The following FBXW7 variants were observed in gnomAD, a reference collection of about 807,000 sequenced individuals.
FBXW7 encodes F-box and WD repeat domain containing 7.
Under a neutral mutation model 86.3 loss-of-function variants are expected in FBXW7, and 11 were observed. That is an observed-to-expected ratio of 0.13 (90% CI 0.08 to 0.21). The LOEUF (loss-of-function observed/expected upper bound fraction) is 0.21. FBXW7 is among the 10% of genes least tolerant of loss of function. The pLI is 1.00. For missense variants in FBXW7, 488 were observed against 847.4 expected (o/e 0.58, Z 5.27); for synonymous variants, 313 against 297.9 (o/e 1.05, Z -0.52).
At chr4:152,503,058 G>A (rs1747102407) in intron 2 of FBXW7, among the ~76,000 whole-genome samples, 1 of 152,134 alleles carries the variant, frequency 6.6e-6, no homozygotes, top group Non-Finnish European at 1.5e-5. Flanking sequence ...TAAAGAGATG[G>A]TAAAGAAATT....
rs1048833910 is a variant in FBXW7 at position 152,320,996 on chromosome 4, G to T, written c.*1885C>A. 36 of 163,810 alleles carry T rather than the reference G, an allele frequency of 2.2e-4. No homozygotes were observed. In the East Asian group the frequency reaches 4.8e-3, roughly 22 times the overall value. The allele number at this position is 163,810 out of a possible 1,614,324, so 10.1% of individuals were successfully genotyped here. ...TTTTGTGGATTCTTTGAGGGAACCA[G>T]ATTTCATATTTATACACCCCAATGC... On this transcript the variant is annotated 3_prime_UTR_variant, in exon 14 of 14. Transcript: ENST00000281708.
chr4:152,434,179 T>C (rs1399079947), intron 2 of FBXW7, among the ~76,000 whole-genome samples: 2 of 152,202 alleles, frequency 1.3e-5, no homozygotes, highest in East Asian at 3.9e-4. Flanking sequence ...GAGGGATGCC[T>C]ATATATGGAC....
chr4:152,487,816 TCA>T (rs1258779358), intron 2 of FBXW7, among the ~76,000 whole-genome samples: 1 of 152,068 alleles, frequency 6.6e-6, no homozygotes, highest in Non-Finnish European at 1.5e-5. Context: ...TACATAATTT[TCA>T]GTTTTAATAG....
chr4:152,519,348 C>T (rs984738700), intron 2 of FBXW7, among the ~76,000 whole-genome samples: 6 of 151,870 alleles, frequency 4.0e-5, no homozygotes, highest in Non-Finnish European at 8.8e-5. Flanking sequence ...TAATCAGATA[C>T]CCACTGACTT....
chr4:152,420,969 ACTTCCCC>A (rs1357411726), intron 2 of FBXW7, among the ~76,000 whole-genome samples: 4 of 152,146 alleles, frequency 2.6e-5, no homozygotes, highest in African/African-American at 9.7e-5. Context: ...CCAGGTACTG[ACTTCCCC>A]TATCCAGCTA....
chr4:152,370,819 TTAA>T (rs952685606), intron 4 of FBXW7, among the ~76,000 whole-genome samples: 7 of 151,892 alleles, frequency 4.6e-5, no homozygotes, highest in African/African-American at 1.7e-4. Flanking sequence ...AAAAACAGTA[TTAA>T]TATTTGAGAA....
intron 2 of FBXW7, among the ~76,000 whole-genome samples, chr4:152,437,407 T>A (rs1740481752): frequency 6.6e-6 from 1 of 151,658 alleles, no homozygotes; most frequent in Non-Finnish European, 1.5e-5. Flanking sequence ...GTGGCGGAAG[T>A]CACTGCAGGC....
chr4:152,367,829 A>G (rs142935838), intron 4 of FBXW7, among the ~76,000 whole-genome samples: 5 of 152,244 alleles, frequency 3.3e-5, no homozygotes, highest in African/African-American at 1.2e-4. Flanking sequence ...TTAAGTAAAT[A>G]TATTTAAGAC....
In FBXW7 at chr4:152,328,422, T is replaced by C. The variant is rs745400931; in HGVS notation, c.1237-33A>G. On this transcript the variant is annotated intron_variant, in intron 10 of 13. Transcript: ENST00000281708. ...AACACTTAAGATGATTACTTTTGGG[T>C]AGAAAGGAAAAGTGATTTAAATAAA... is the stretch of plus-strand genomic sequence containing the variant. 3.7e-6 allele frequency: 5 copies of C among 1,363,396 alleles called. No homozygotes were observed. The East Asian group carries it at 1.4e-4, about 38-fold the overall frequency. 84.5% of individuals were successfully genotyped at this position (1,363,396 alleles called of 1,614,324 possible). A position where few individuals can be genotyped will look rare whatever the true frequency, so the allele number is the denominator to read the frequency against.
chr4:152,342,138 A>G (rs1188066711), intron 6 of FBXW7, among the ~76,000 whole-genome samples: 1 of 152,216 alleles, frequency 6.6e-6, no homozygotes, highest in African/African-American at 2.4e-5. Context: ...CCAGGTTCAG[A>G]AGCAAATTTT....
chr4:152,412,409 A>T (rs1738043232), intron 3 of FBXW7, 71 bp downstream of exon 3: 1 of 151,916 alleles, frequency 6.6e-6, no homozygotes, highest in Non-Finnish European at 1.5e-5. Context: ...TATTATTTTA[A>T]TTTTTTTACA....
rs188623279 is a variant in FBXW7, at chr4:152,387,002, T to C, written c.501+24301A>G. On this transcript the variant is annotated intron_variant, in intron 4 of 13. Coordinates refer to ENST00000281708, the MANE Select transcript of FBXW7 (RefSeq NM_001349798.2). Reference sequence around the variant, plus strand: ...TTTCATTCAGTATTATACAAAAGGCTAGAAATTTAACTGCTCCTGACCAAA... The same window carrying C: ...TTTCATTCAGTATTATACAAAAGGCCAGAAATTTAACTGCTCCTGACCAAA... Among the ~76,000 whole-genome samples the C allele has an allele frequency of 3.3e-5, 5 of 152,308 alleles. No homozygotes were observed. In the East Asian group the frequency reaches 9.6e-4, roughly 29 times the overall value.
chr4:152,414,579 C>T (rs1738264994), intron 2 of FBXW7, among the ~76,000 whole-genome samples: 1 of 152,026 alleles, frequency 6.6e-6, no homozygotes, highest in South Asian at 2.1e-4. Context: ...ATTAAAAGCT[C>T]CATTATAGAT....
intron 2 of FBXW7, among the ~76,000 whole-genome samples, chr4:152,482,906 G>A (rs1384636812): frequency 6.6e-6 from 1 of 151,974 alleles, no homozygotes; most frequent in African/African-American, 2.4e-5. Flanking sequence ...ACAAACAATA[G>A]ACCTACTGAG....
chr4:152,350,154 T>G, intron 4 of FBXW7, 30 bp from the exon 5 acceptor site: 1 of 1,388,884 alleles, frequency 7.2e-7, no homozygotes, highest in Non-Finnish European at 9.8e-7. Context: ...AGATATGTTT[T>G]TTAAAAATCG....
At chr4:152,332,544 C>T (rs2126546841) in intron 8 of FBXW7, 52 bp downstream of exon 8, 1 of 1,426,200 alleles carries the variant, frequency 7.0e-7, no homozygotes, top group Non-Finnish European at 9.4e-7. Context: ...TTTTCAGAAT[C>T]ACTCTGCTTT....
chr4:152,504,802 G>C (rs1475094529), intron 2 of FBXW7, among the ~76,000 whole-genome samples: 1 of 152,072 alleles, frequency 6.6e-6, no homozygotes, highest in Non-Finnish European at 1.5e-5. Context: ...GGTACAAAGA[G>C]AATCTAAAAT....
rs1729669740 is a variant in FBXW7 at position 152,332,624 on chromosome 4, A to G, written c.957T>C (p.Leu319=). 6.2e-7 allele frequency: 1 copy of G among 1,606,460 alleles called. No homozygotes were observed. Among genetic ancestry groups the G allele is most frequent in the South Asian group, 1.1e-5 (1 of 90,768 alleles). ...CTTCTTTGCATTTCTCTCTCCAGAG[A>G]AGGTTGTCTTCAGCCAAAATTCTCC... ...RYWRILAEDN[L]LWREKCKEEG... Residue 319 remains leucine (L), a synonymous_variant, in exon 8 of 14, where the codon CTT becomes CTC. Coordinates refer to ENST00000281708, the MANE Select transcript of FBXW7 (RefSeq NM_001349798.2).
intron 4 of FBXW7, among the ~76,000 whole-genome samples, chr4:152,407,441 CTTG>C (rs1737514789): frequency 6.6e-6 from 1 of 152,142 alleles, no homozygotes; most frequent in African/African-American, 2.4e-5. Flanking sequence ...AGTTGCTTGT[CTTG>C]CAGGTAGACT....
Sources: gnomAD v4.1 joint callset for allele counts (sites outside exome capture counted in the v4.1 genomes callset) on GRCh38, gnomAD v4.1.1 for gene constraint, MANE v1.5 for transcripts, NCBI Gene and HGNC (gene_info 2026-07-23, HGNC 2026-07-21) for gene names.